Variants in MICALL2 observed in about 807,000 individuals in gnomAD.
The protein encoded by MICALL2 is MICAL-like protein 2.
In MICALL2, 111 loss-of-function variants were observed where a neutral mutation model predicts 91.1. The observed-to-expected ratio is 1.22, with a 90% CI of 1.04 to 1.43. The LOEUF (loss-of-function observed/expected upper bound fraction) is 1.43. MICALL2 is among the 40% of genes most tolerant of loss of function. The pLI is 0.00. For missense variants in MICALL2, 1,556 were observed against 1,236.0 expected (o/e 1.26, Z -3.88); for synonymous variants, 694 against 525.3 (o/e 1.32, Z -4.39).
chr7:1,459,134 AG>A, intron 1 of MICALL2, 49 bp downstream of exon 1: 1 of 1,534,696 alleles, frequency 6.5e-7, no homozygotes, highest in African/African-American at 1.4e-5. Context: ...CGCCCGTGTC[AG>A]CGCGCAGCCG....
chr7:1,438,692 G>A lies in MICALL2; in HGVS notation c.2122+148C>T, dbSNP rs112785655. On this transcript the variant is annotated intron_variant, in intron 10 of 16. Transcript: ENST00000297508. ...GGTCTCTATTCATGAGGGCGGGCCT[G>A]GGGCACGGGGCTGGGTCCTTCCTCC... 4.5e-3 allele frequency: 6,579 copies of A among 1,472,240 alleles called. 167 individuals carry two copies. The African/African-American group carries it at 0.057, about 13-fold the overall frequency. 91.2% of individuals were successfully genotyped at this position (1,472,240 alleles called of 1,614,324 possible).
intron 14 of MICALL2, 178 bp downstream of exon 14, chr7:1,437,357 G>A (rs1471543251): frequency 1.7e-6 from 1 of 605,708 alleles, no homozygotes; most frequent in East Asian, 3.0e-5. Flanking sequence ...TAAGTACCTT[G>A]GCTGAGGACA....
At chr7:1,437,638 ACT>A in intron 13 of MICALL2, 30 bp from the exon 14 acceptor site, 1 of 1,533,374 alleles carries the variant, frequency 6.5e-7, no homozygotes. Flanking sequence ...CTGAGGCCTG[ACT>A]CTGCCGCCCT....
At chr7:1,446,949 G>A (rs975362004) in intron 4 of MICALL2, 121 bp from the exon 5 acceptor site, 18 of 701,342 alleles carry the variant, frequency 2.6e-5, no homozygotes, top group Non-Finnish European at 3.0e-5. Flanking sequence ...GAGAGGAGCC[G>A]CCAGCAGGGC....
At chr7:1,435,067 C>T in intron 16 of MICALL2, 34 bp downstream of exon 16, 2 of 1,610,056 alleles carry the variant, frequency 1.2e-6, no homozygotes, top group South Asian at 1.1e-5. Flanking sequence ...ACCCAGCCAG[C>T]CAGCCCAGCC....
At position 1,444,862 on chromosome 7, in the gene MICALL2, G is replaced by A; in HGVS notation, c.1208C>T (p.Pro403Leu). 1 of 1,601,974 alleles carries A rather than the reference G, an allele frequency of 6.2e-7. No homozygotes were observed. The highest frequency in any genetic ancestry group is 2.2e-5 in the East Asian group (1 of 44,676). The change falls in exon 6 of 17, where the codon CCC (proline) becomes CTC (leucine). Residue 403 changes from proline to leucine, a missense_variant. Pro to Leu is a moderately conservative substitution (Grantham distance 98, BLOSUM62 -3). Transcript: ENST00000297508. ...SSSTSAATVDPPAWTPSASRT... is the reference protein window; with the variant it reads ...SSSTSAATVDLPAWTPSASRT... ...GGAGGCGGACGGGGTCCAGGCTGGG[G>A]GGTCCACCGTGGCTGCAGATGTGGA...
rs544291207 is a variant in MICALL2 at position 1,439,896 on chromosome 7, G to C, written c.1966+29C>G. On this transcript the variant is annotated intron_variant, in intron 9 of 16. Transcript: ENST00000297508. Reference sequence around the variant, plus strand: ...AGGGGGAGGGCCAGCTAGGCAACCCGGGGGCCCCTGGGTCCCGTCCAGGAG... The same window carrying C: ...AGGGGGAGGGCCAGCTAGGCAACCCCGGGGCCCCTGGGTCCCGTCCAGGAG... 2.1e-6 allele frequency: 3 copies of C among 1,401,006 alleles called. No homozygotes were observed. The South Asian group carries it at 5.1e-5, about 24-fold the overall frequency. The allele number at this position is 1,401,006 out of a possible 1,614,324, so 86.8% of individuals were successfully genotyped here. A position where few individuals can be genotyped will look rare whatever the true frequency, so the allele number is the denominator to read the frequency against.
rs1304580253 is a variant in MICALL2 at position 1,445,410 on chromosome 7, G to A, written c.660C>T (p.Cys220=). ...CCTTGTAGGCCCCCGAGTGCAGCGTGCAGGAGCACTGCTTACACCTGGGGG... is the reference window on the plus strand; with the variant it reads ...CCTTGTAGGCCCCCGAGTGCAGCGTACAGGAGCACTGCTTACACCTGGGGG... ...RSCFRCKQCS[C]TLHSGAYKAT... is the part of the protein sequence containing the mutation. Residue 220 remains cysteine, a synonymous_variant, in exon 6 of 17, where the codon TGC becomes TGT. Transcript: ENST00000297508. 3.2e-6 allele frequency: 5 copies of A among 1,552,564 alleles called. No homozygotes were observed. The East Asian group carries it at 9.5e-5, about 30-fold the overall frequency.
chr7:1,445,248 C>T lies in MICALL2; in HGVS notation c.822G>A (p.Gln274=). 1 of 1,612,348 alleles carries T rather than the reference C, an allele frequency of 6.2e-7. No homozygotes were observed. Among genetic ancestry groups the T allele is most frequent in the Non-Finnish European group, 8.5e-7 (1 of 1,179,784 alleles). The stretch of plus-strand genomic sequence containing the variant: ...TGGCCTTGTTTGCCTCCTGGGCCTT[C>T]TGTGGGGAACAGGAGGTCCTGGAAT... The part of the protein sequence containing the change: ...GVDSRTSCSP[Q]KAQEANKARP... The change falls in exon 6 of 17, where the codon CAG becomes CAA. Residue 274 remains glutamine, a synonymous_variant. Transcript: ENST00000297508.
In MICALL2 at chr7:1,437,921, G is replaced by A. The variant is rs751245798; in HGVS notation, c.2371C>T (p.Leu791=). ...ATCAGCTCTGACTCCTGTCTCAGCA[G>A]AAGCTGCTTCTCGTGAATGAGCCAG... ...WFWLIHEKQL[L]LRQESELMYK... Residue 791 remains leucine, a synonymous_variant, in exon 13 of 17, where the codon CTG becomes TTG. Transcript: ENST00000297508. 9 of 1,549,368 alleles carry A rather than the reference G, an allele frequency of 5.8e-6. No homozygotes were observed. The South Asian group carries it at 6.0e-5, about 10-fold the overall frequency.
Position 1,435,480 on chromosome 7 carries a change from G to A in MICALL2, c.2592-333C>T, listed in dbSNP as rs111683678. Among the ~76,000 whole-genome samples, 738 of 137,884 alleles carry A rather than the reference G, an allele frequency of 5.4e-3. 5 individuals are homozygous for A. The highest frequency in any genetic ancestry group is 0.016 in the African/African-American group (512 of 31,304). The allele number at this position is 137,884 out of a possible 152,430, so 90.5% of individuals were successfully genotyped here. Reference sequence around the variant, plus strand: ...CAGGAGGGCCTGGGCCGACCACACCGGTGACCTGGGACAGGAGGGCCTGGG... The same window carrying A: ...CAGGAGGGCCTGGGCCGACCACACCAGTGACCTGGGACAGGAGGGCCTGGG... On this transcript the variant is annotated intron_variant, in intron 15 of 16. Transcript: ENST00000297508.
At chr7:1,444,128 GCGTC>G (rs1780442749) in intron 6 of MICALL2, among the ~76,000 whole-genome samples, 1 of 712 alleles carries the variant, frequency 1.4e-3, no homozygotes, top group African/African-American at 0.019. Flanking sequence ...ACCTGTCCCC[GCGTC>G]CACTCAGACC....
rs1424831069 is a variant in MICALL2 at position 1,451,540 on chromosome 7, C to T, written c.144-1252G>A. 2.0e-5 allele frequency among the ~76,000 whole-genome samples: 3 copies of T among 152,222 alleles called. No individual in the cohort carries two copies. Among genetic ancestry groups the T allele is most frequent in the Non-Finnish European group, 4.4e-5 (3 of 68,032 alleles). ...ATAGTGATCGTGACCCGTCTGTCCA[C>T]GTTGCTGCCTGTGGGGTCCCGGACA... On this transcript the variant is annotated intron_variant, in intron 1 of 16. Coordinates refer to ENST00000297508, the MANE Select transcript of MICALL2 (RefSeq NM_182924.4). This position sits in a 1 kb window ranked among gnomAD's most constrained non-coding sequence, Gnocchi z 4.5.
rs1780695580 is a variant in MICALL2, at chr7:1,448,521, G to A, written c.334+99C>T. ...ATGCCAGGGGCCATTCTTGGGGGGG[G>A]GGCTGGGCATGGACCCCAAAAAGTC... On this transcript the variant is annotated intron_variant, in intron 3 of 16. Coordinates refer to ENST00000297508, the MANE Select transcript of MICALL2 (RefSeq NM_182924.4). 125 of 1,131,266 alleles carry A rather than the reference G, an allele frequency of 1.1e-4. 3 individuals carry two copies. The South Asian group carries it at 1.6e-3, about 15-fold the overall frequency. 70.1% of individuals were successfully genotyped at this position (1,131,266 alleles called of 1,614,324 possible). A position where few individuals can be genotyped will look rare whatever the true frequency, so the allele number is the denominator to read the frequency against.
intron 1 of MICALL2, among the ~76,000 whole-genome samples, chr7:1,456,108 G>A (rs1253258505): frequency 6.6e-6 from 1 of 151,878 alleles, no homozygotes; most frequent in South Asian, 2.1e-4. Flanking sequence ...GGTGATGAAG[G>A]CACAGAGGCA....
At position 1,445,023 on chromosome 7, in the gene MICALL2, C is replaced by T. The variant is rs754508240; in HGVS notation, c.1047G>A (p.Ser349=). 15 of 1,526,304 alleles carry T rather than the reference C, an allele frequency of 9.8e-6. No homozygotes were observed. The highest frequency in any genetic ancestry group is 4.9e-5 in the East Asian group (2 of 40,864). The allele number at this position is 1,526,304 out of a possible 1,614,324, so 94.5% of individuals were successfully genotyped here. Residue 349 remains serine, a synonymous_variant, in exon 6 of 17, where the codon TCG becomes TCA. Transcript: ENST00000297508. The part of the protein sequence containing the change: ...RVTNSSPMGW[S]SAAPCTAAAA... Reference sequence around the variant, plus strand: ...CCGCTGCTGTGCACGGGGCAGCTGACGACCAGCCCATCGGGGAGCTATTGG... The same window carrying T: ...CCGCTGCTGTGCACGGGGCAGCTGATGACCAGCCCATCGGGGAGCTATTGG...
At chr7:1,442,152 C>T (rs369667601) in intron 7 of MICALL2, 40 bp downstream of exon 7, 47 of 1,602,126 alleles carry the variant, frequency 2.9e-5, no homozygotes, top group South Asian at 1.6e-4. Context: ...CCCAGAGCTG[C>T]GGGCCCCCGG....
chr7:1,437,298 C>T (rs1780020900), intron 14 of MICALL2: 3 of 551,404 alleles, frequency 5.4e-6, no homozygotes, highest in Admixed American at 7.3e-5. Flanking sequence ...GAGGTGGGTG[C>T]TACAAGCATC....
chr7:1,443,180 C>G (rs552962134), intron 6 of MICALL2, among the ~76,000 whole-genome samples: 24 of 151,176 alleles, frequency 1.6e-4, no homozygotes, highest in African/African-American at 5.8e-4. Flanking sequence ...GGGTCCTCCC[C>G]AGCCACACAT....
Sources: gnomAD v4.1 joint callset for allele counts (sites outside exome capture counted in the v4.1 genomes callset) on GRCh38, gnomAD v4.1.1 for gene constraint, Gnocchi (gnomAD v3.1) non-coding constraint, MANE v1.5 for transcripts, NCBI Gene and HGNC (gene_info 2026-07-23, HGNC 2026-07-21) for gene names.